The following NRXN1 variants were observed in gnomAD, a reference collection of about 807,000 sequenced individuals.
NRXN1 encodes the protein neurexin-1.
In NRXN1, 39 loss-of-function variants were observed where a neutral mutation model predicts 150.9. That is an observed-to-expected ratio of 0.26 (90% CI 0.20 to 0.34). The LOEUF (loss-of-function observed/expected upper bound fraction) is 0.34, where lower values mean the gene tolerates loss of function less well. Among genes scored for constraint, NRXN1 ranks in the 10% least tolerant of loss-of-function variants. The probability of loss-of-function intolerance (pLI) is 1.00; values close to 1 mark genes in which losing one functional copy is unlikely to be tolerated. For missense variants in NRXN1, 1,815 were observed against 1,949.9 expected, an observed-to-expected ratio of 0.93 and a Z score of 1.30; for synonymous variants, 924 against 757.0, an observed-to-expected ratio of 1.22 and a Z score of -3.62.
intron 22 of NRXN1, among the ~76,000 whole-genome samples, chr2:49,935,517 G>A (rs1670880471): frequency 6.6e-6 from 1 of 152,124 alleles, no homozygotes; most frequent in African/African-American, 2.4e-5. Context: ...TTTTGTTTAT[G>A]AGTAAGGAGT....
chr2:50,834,929 C>T (rs1671905417), intron 5 of NRXN1, among the ~76,000 whole-genome samples: 1 of 152,148 alleles, frequency 6.6e-6, no homozygotes, highest in Non-Finnish European at 1.5e-5. Flanking sequence ...TCAGTGTCTT[C>T]TTAGCCTACT....
chr2:50,228,161 A>G (rs1212752519), intron 18 of NRXN1, among the ~76,000 whole-genome samples: 1 of 152,072 alleles, frequency 6.6e-6, no homozygotes, highest in Admixed American at 6.6e-5. Flanking sequence ...AAGATAATAG[A>G]AAACATTAAT....
intron 21 of NRXN1, among the ~76,000 whole-genome samples, chr2:50,016,156 C>G (rs1686551787): frequency 6.6e-6 from 1 of 152,032 alleles, no homozygotes; most frequent in Admixed American, 6.6e-5. Flanking sequence ...AGGACCAATG[C>G]AACTAGGTAG....
chr2:50,320,634 G>A (rs1558519725), intron 17 of NRXN1, among the ~76,000 whole-genome samples: 1 of 151,780 alleles, frequency 6.6e-6, no homozygotes, highest in East Asian at 2.0e-4. Context: ...TTGATGAATG[G>A]ACAGGAGCTA....
At position 51,028,358 on chromosome 2, in the gene NRXN1, C is replaced by T. The variant is rs1670960653; in HGVS notation, c.-85G>A. The stretch of plus-strand genomic sequence containing the variant: ...ACACCGTGACGAAGAAATAAGGGTC[C>T]CGAGAGACAGAAAGGTAAGGGGAAA... On this transcript the variant is annotated 5_prime_UTR_variant, in exon 2 of 23. Coordinates refer to ENST00000401669, the MANE Select transcript of NRXN1 (RefSeq NM_001330078.2). 1 of 901,166 alleles carries T rather than the reference C, an allele frequency of 1.1e-6. No individual in the cohort carries two copies. Among genetic ancestry groups the T allele is most frequent in the Non-Finnish European group, 1.6e-6 (1 of 639,656 alleles). The allele number at this position is 901,166 out of a possible 1,614,324, so 55.8% of individuals were successfully genotyped here.
intron 5 of NRXN1, among the ~76,000 whole-genome samples, chr2:50,633,148 G>A (rs58222761): frequency 0.015 from 2,337 of 152,138 alleles, 61 homozygotes; most frequent in African/African-American, 0.053. Flanking sequence ...TGCTGCAACT[G>A]AAAACTATCA....
intron 17 of NRXN1, among the ~76,000 whole-genome samples, chr2:50,316,724 G>T (rs1459318033): frequency 6.6e-6 from 1 of 151,920 alleles, no homozygotes; most frequent in Non-Finnish European, 1.5e-5. Context: ...TGCTATAAAG[G>T]TCACTTTTGA....
intron 21 of NRXN1, among the ~76,000 whole-genome samples, chr2:50,017,804 A>G (rs758599941): frequency 1.2e-4 from 19 of 152,120 alleles, no homozygotes; most frequent in Non-Finnish European, 1.8e-4. Flanking sequence ...AAATGATAGG[A>G]ACTACATTTT....
chr2:50,489,468 T>C (rs1488668026), intron 15 of NRXN1, among the ~76,000 whole-genome samples: 1 of 150,168 alleles, frequency 6.7e-6, no homozygotes, highest in Non-Finnish European at 1.5e-5. Context: ...TCAATTGAGA[T>C]TGATATGAGC....
intron 8 of NRXN1, among the ~76,000 whole-genome samples, chr2:50,608,812 T>G (rs576028871): frequency 6.6e-6 from 1 of 152,112 alleles, no homozygotes; most frequent in Admixed American, 6.6e-5. Flanking sequence ...GAAGACTAAT[T>G]GCTTCTGAAA....
At chr2:50,353,676 T>C (rs973391969) in intron 17 of NRXN1, among the ~76,000 whole-genome samples, 2 of 152,154 alleles carry the variant, frequency 1.3e-5, no homozygotes, top group African/African-American at 4.8e-5. Context: ...TTATTCTTTA[T>C]TCATAGGTAC....
chr2:50,759,800 T>C (rs1420166153), intron 5 of NRXN1, among the ~76,000 whole-genome samples: 2 of 151,270 alleles, frequency 1.3e-5, no homozygotes, highest in Non-Finnish European at 1.5e-5. Context: ...TTCTGACCAA[T>C]GCTTAGCACT....
chr2:49,926,061 G>C (rs1315452127), intron 22 of NRXN1, among the ~76,000 whole-genome samples: 2 of 152,194 alleles, frequency 1.3e-5, no homozygotes, highest in Non-Finnish European at 2.9e-5. Flanking sequence ...AGCAAGGAGA[G>C]CAAGAATGCA....
chr2:50,265,670 A>C (rs1310493426), intron 17 of NRXN1, among the ~76,000 whole-genome samples: 1 of 152,162 alleles, frequency 6.6e-6, no homozygotes, highest in African/African-American at 2.4e-5. Flanking sequence ...TCAGGTACCA[A>C]TTTACTTTAT....
intron 2 of NRXN1, among the ~76,000 whole-genome samples, chr2:51,001,553 A>T (rs551080652): frequency 1.3e-5 from 2 of 152,114 alleles, no homozygotes; most frequent in South Asian, 2.1e-4. Context: ...CTAAAGGGAG[A>T]TCAATTAAGC....
intron 2 of NRXN1, among the ~76,000 whole-genome samples, chr2:50,955,559 A>T (rs955750971): frequency 6.6e-6 from 1 of 152,208 alleles, no homozygotes; most frequent in Non-Finnish European, 1.5e-5. Context: ...AGCTATGTCA[A>T]AGGATCATAA....
chr2:50,999,969 A>G (rs1336992153), intron 2 of NRXN1, among the ~76,000 whole-genome samples: 1 of 152,028 alleles, frequency 6.6e-6, no homozygotes, highest in African/African-American at 2.4e-5. Flanking sequence ...TCAAATACAA[A>G]TGATTTTCTG....
intron 17 of NRXN1, among the ~76,000 whole-genome samples, chr2:50,270,228 T>G (rs1243657986): frequency 6.6e-6 from 1 of 152,160 alleles, no homozygotes; most frequent in African/African-American, 2.4e-5. Context: ...ACCATGAGCC[T>G]CTTATTTTGT....
At chr2:50,919,569 G>T (rs1276922980) in intron 5 of NRXN1, 2 of 151,408 alleles carry the variant, frequency 1.3e-5, no homozygotes, top group Non-Finnish European at 3.0e-5. Flanking sequence ...ACTCACACAA[G>T]AGAAAAGTGG....
Sources: gnomAD v4.1 joint callset for allele counts (sites outside exome capture counted in the v4.1 genomes callset) on GRCh38, gnomAD v4.1.1 for gene constraint, MANE v1.5 for transcripts, NCBI Gene and HGNC (gene_info 2026-07-23, HGNC 2026-07-21) for gene names.